The following PPM1A variants were observed in gnomAD, a reference collection of about 807,000 sequenced individuals.
The protein encoded by PPM1A is protein phosphatase, Mg2+/Mn2+ dependent 1A, also known as protein phosphatase 1A.
Under a neutral mutation model 35.0 loss-of-function variants are expected in PPM1A, and 7 were observed. That is an observed-to-expected ratio of 0.20 (90% confidence interval 0.11 to 0.38). The LOEUF is 0.38. Ranked by LOEUF, PPM1A falls within the 10% of genes least tolerant of loss-of-function variation. The pLI is 1.00. For missense variants in PPM1A, 239 were observed against 467.8 expected, an observed-to-expected ratio of 0.51 and a Z score of 4.51; for synonymous variants, 153 against 167.3, an observed-to-expected ratio of 0.91 and a Z score of 0.66.
chr14:60,290,323 T>G (rs1005912121), intron 4 of PPM1A, among the ~76,000 whole-genome samples: 1 of 152,180 alleles, frequency 6.6e-6, no homozygotes, highest in African/African-American at 2.4e-5. Flanking sequence ...CTTCCTCATA[T>G]GGACCATGTT....
At position 60,283,351 on chromosome 14, in the gene PPM1A, A is replaced by T; in HGVS notation, c.648A>T (p.Ser216=). The T allele has an allele frequency of 6.2e-7, 1 of 1,614,236 alleles. No homozygotes were observed. The highest frequency in any genetic ancestry group is 8.5e-7 in the Non-Finnish European group (1 of 1,180,038). Residue 216 remains serine, a synonymous_variant, in exon 2 of 6, where the codon TCA becomes TCT. Coordinates refer to ENST00000395076, the MANE Select transcript of PPM1A (RefSeq NM_021003.5). This position sits in a 1 kb window ranked among gnomAD's most constrained non-coding sequence, Gnocchi z 6.3. ...AAGGTCCTACTGAGCAGCTTGTCTC[A>T]CCAGAGCCTGAAGTCCATGATATTG... ...HGKGPTEQLV[S]PEPEVHDIER...
rs765390281 is a variant in PPM1A, at chr14:60,292,528, G to T, written c.*46G>T. 5 of 1,520,572 alleles carry T rather than the reference G, an allele frequency of 3.3e-6. No homozygotes were observed. Among genetic ancestry groups the T allele is most frequent in the African/African-American group, 2.8e-5 (2 of 72,550 alleles). The allele number at this position is 1,520,572 out of a possible 1,614,324, so 94.2% of individuals were successfully genotyped here. A position where few individuals can be genotyped will look rare whatever the true frequency, so the allele number is the denominator to read the frequency against. Reference sequence around the variant, plus strand: ...AGTTTACCTTCACCTCCAAAGGAGAGTACAGCTCAACTTTGTTGAAACTTT... The same window carrying T: ...AGTTTACCTTCACCTCCAAAGGAGATTACAGCTCAACTTTGTTGAAACTTT... On this transcript the variant is annotated 3_prime_UTR_variant, in exon 6 of 6. Coordinates refer to ENST00000395076, the MANE Select transcript of PPM1A (RefSeq NM_021003.5). This position sits in a 1 kb window ranked among gnomAD's most constrained non-coding sequence, Gnocchi z 4.2.
Position 60,249,299 on chromosome 14 carries a change from G to T in PPM1A, c.-399G>T. On this transcript the variant is annotated 5_prime_UTR_variant, in exon 1 of 6. Transcript: ENST00000395076. The surrounding 1 kb of genome is among the most constrained non-coding windows in gnomAD (Gnocchi z 4.5). ...CTAGAGAGCAGTGGTCTCGGCGCTC[G>T]TCCGGCCCGCAGCTTCGGGTCCTCA... The T allele has an allele frequency of 1.0e-6, 1 of 979,532 alleles. No individual in the cohort carries two copies. The highest frequency in any genetic ancestry group is 1.2e-6 in the Non-Finnish European group (1 of 828,054). The allele number at this position is 979,532 out of a possible 1,614,324, so 60.7% of individuals were successfully genotyped here.
intron 3 of PPM1A, chr14:60,286,451 C>A (rs1212282851): frequency 1.4e-5 from 14 of 985,048 alleles, no homozygotes; most frequent in Non-Finnish European, 1.7e-5. Context: ...TATGCAGTTT[C>A]TCTAAGTGGA....
intron 1 of PPM1A, among the ~76,000 whole-genome samples, chr14:60,276,215 A>G (rs1054869843): frequency 1.3e-5 from 2 of 152,218 alleles, no homozygotes. Context: ...TAGAGAGTTT[A>G]CGCTCTACAT....
At chr14:60,247,618 ACT>A (rs1380570138), upstream of PPM1A, among the ~76,000 whole-genome samples, 1 of 120,672 alleles carries the variant, frequency 8.3e-6, no homozygotes, top group Non-Finnish European at 1.6e-5. Flanking sequence ...AAAGAGCGAG[ACT>A]CTGTCTCAAA....
chr14:60,269,474 G>A (rs568205110), intron 1 of PPM1A, among the ~76,000 whole-genome samples: 24 of 152,152 alleles, frequency 1.6e-4, no homozygotes, highest in South Asian at 1.2e-3. Context: ...GCATTACTTC[G>A]TTGCCTATCA....
intron 1 of PPM1A, among the ~76,000 whole-genome samples, chr14:60,279,678 A>G (rs1886166683): frequency 1.3e-5 from 2 of 152,206 alleles, no homozygotes; most frequent in African/African-American, 4.8e-5. Context: ...GTTTCTCCAC[A>G]TTCTGACCAA....
chr14:60,253,248 C>T (rs1036628484), intron 1 of PPM1A, among the ~76,000 whole-genome samples: 1 of 151,996 alleles, frequency 6.6e-6, no homozygotes, highest in South Asian at 2.1e-4. Context: ...GTGGCTGATA[C>T]GATTTAGAAT....
chr14:60,251,487 C>G (rs937784982), intron 1 of PPM1A, among the ~76,000 whole-genome samples: 1 of 152,212 alleles, frequency 6.6e-6, no homozygotes. Context: ...TTAGTCATGG[C>G]TGTGCTCCAA....
At chr14:60,268,321 G>GAAA (rs1034179962) in intron 1 of PPM1A, 2 of 783,700 alleles carry the variant, frequency 2.6e-6, no homozygotes, top group Non-Finnish European at 3.1e-6. Flanking sequence ...AGCACTAATT[G>GAAA]AAAAAAAAAA....
Position 60,286,471 on chromosome 14 carries a change from C to A in PPM1A, c.952+730C>A, listed in dbSNP as rs1026650896. 4 of 985,006 alleles carry A rather than the reference C, an allele frequency of 4.1e-6. No homozygotes were observed. The African/African-American group carries it at 7.0e-5, about 17-fold the overall frequency. The allele number at this position is 985,006 out of a possible 1,614,324, so 61.0% of individuals were successfully genotyped here. ...AGTTTCTCTAAGTGGAAAAACTTGA[C>A]ATGACTTTAATAGTGTTAAAACATG... On this transcript the variant is annotated intron_variant, in intron 3 of 5. Coordinates refer to ENST00000395076, the MANE Select transcript of PPM1A (RefSeq NM_021003.5).
In PPM1A at chr14:60,273,722, T is replaced by G. The variant is rs148078816; in HGVS notation, c.-20-8962T>G. On this transcript the variant is annotated intron_variant, in intron 1 of 5. Coordinates refer to ENST00000395076, the MANE Select transcript of PPM1A (RefSeq NM_021003.5). The surrounding 1 kb of genome is among the most constrained non-coding windows in gnomAD (Gnocchi z 4.3). ...TGATGGTAACTTGAGACCAGGGCAT[T>G]GGTAGAAAAAAGTGGACAGATTTGA... is the stretch of plus-strand genomic sequence containing the variant. Among the ~76,000 whole-genome samples the G allele has an allele frequency of 1.3e-5, 2 of 152,130 alleles. No homozygotes were observed. Among genetic ancestry groups the G allele is most frequent in the Non-Finnish European group, 2.9e-5 (2 of 68,032 alleles).
intron 1 of PPM1A, chr14:60,277,132 T>C (rs1356160082): frequency 1.4e-5 from 12 of 868,922 alleles, no homozygotes; most frequent in Non-Finnish European, 1.6e-5. Context: ...CTAAAAACTT[T>C]CATGGACAAA....
chr14:60,296,364 CT>C lies in PPM1A; in HGVS notation c.*3886del, dbSNP rs1352127451. The C allele has an allele frequency of 5.8e-6, 1 of 172,600 alleles. No individual in the cohort carries two copies. Among genetic ancestry groups the C allele is most frequent in the Non-Finnish European group, 1.2e-5 (1 of 82,040 alleles). 10.7% of individuals were successfully genotyped at this position (172,600 alleles called of 1,614,324 possible). On this transcript the variant is annotated 3_prime_UTR_variant, in exon 6 of 6. Coordinates refer to ENST00000395076, the MANE Select transcript of PPM1A (RefSeq NM_021003.5). This position sits in a 1 kb window ranked among gnomAD's most constrained non-coding sequence, Gnocchi z 4.4. ...TTAATTTTGAATTTCATGGTATATA[CT>C]TTTAGTTCAAACTCAGCTGTTTGTA...
chr14:60,284,681 A>G lies in PPM1A; in HGVS notation c.835-943A>G, dbSNP rs1418450227. Among the ~76,000 whole-genome samples, 3 of 127,352 alleles carry G rather than the reference A, an allele frequency of 2.4e-5. No homozygotes were observed. In the East Asian group the frequency reaches 5.9e-4, roughly 25 times the overall value. 83.5% of individuals were successfully genotyped at this position (127,352 alleles called of 152,430 possible). A position where few individuals can be genotyped will look rare whatever the true frequency, so the allele number is the denominator to read the frequency against. ...AGACTGTTGAGGAATTAATGAGCGTATGTATATATATATATATGTGTGTGT... is the reference window on the plus strand; with the variant it reads ...AGACTGTTGAGGAATTAATGAGCGTGTGTATATATATATATATGTGTGTGT... On this transcript the variant is annotated intron_variant, in intron 2 of 5. Transcript: ENST00000395076.
Position 60,289,136 on chromosome 14 carries a change from A to G in PPM1A, c.953-670A>G, listed in dbSNP as rs1049908874. Among the ~76,000 whole-genome samples, 7 of 152,124 alleles carry G rather than the reference A, an allele frequency of 4.6e-5. No individual in the cohort carries two copies. Among genetic ancestry groups the G allele is most frequent in the African/African-American group, 9.7e-5 (4 of 41,446 alleles). On this transcript the variant is annotated intron_variant, in intron 3 of 5. Transcript: ENST00000395076. This position sits in a 1 kb window ranked among gnomAD's most constrained non-coding sequence, Gnocchi z 4.1. ...AAATGGTTCTCTTTTTAAACATTTT[A>G]TAAGGAAATTTAGACCTTTTCTATT...
Position 60,282,742 on chromosome 14 carries a change from T to A in PPM1A, c.39T>A (p.His13Gln). The A allele has an allele frequency of 6.2e-7, 1 of 1,614,222 alleles. No homozygotes were observed. Among genetic ancestry groups the A allele is most frequent in the Admixed American group, 1.7e-5 (1 of 60,028 alleles). ...AFLDKPKMEK[H>Q]NAQGQGNGLR... ...TAGACAAGCCAAAGATGGAAAAGCA[T>A]AATGCCCAGGGGCAGGGTAATGGGT... Residue 13 changes from histidine (H) to glutamine (Q), a missense_variant, in exon 2 of 6, where the codon CAT (histidine) becomes CAA (glutamine). Physicochemically the swap from His to Gln is conservative, Grantham distance 24 (BLOSUM62 0). Around this residue, in one of 2 missense-constraint regions of PPM1A, gnomAD observed 175 missense variants for 389.2 expected, o/e 0.45. Coordinates refer to ENST00000395076, the MANE Select transcript of PPM1A (RefSeq NM_021003.5). This position sits in a 1 kb window ranked among gnomAD's most constrained non-coding sequence, Gnocchi z 5.1.
At chr14:60,284,473 C>G (rs1189260747) in intron 2 of PPM1A, among the ~76,000 whole-genome samples, 1 of 151,938 alleles carries the variant, frequency 6.6e-6, no homozygotes, top group African/African-American at 2.4e-5. Flanking sequence ...AACCCCGTCT[C>G]TACTAAAAAA....
Sources: allele counts gnomAD v4.1 joint callset (sites outside exome capture counted in the v4.1 genomes callset), GRCh38; gene constraint gnomAD v4.1.1; regional missense constraint gnomAD v4.1.1; non-coding constraint Gnocchi (gnomAD v3.1); transcripts MANE v1.5; gene names NCBI Gene and HGNC (gene_info 2026-07-23, HGNC 2026-07-21).